Variants in MBP observed in about 807,000 individuals in gnomAD.
MBP encodes Golli-MBP.
In MBP, 16 loss-of-function variants were observed where a neutral mutation model predicts 35.8. The observed-to-expected ratio is 0.45, with a 90% confidence interval of 0.30 to 0.68. The LOEUF is 0.68. Among genes scored for constraint, MBP ranks in the 30% least tolerant of loss-of-function variants. The pLI is 0.08. For missense variants in MBP, 380 were observed against 404.7 expected, an observed-to-expected ratio of 0.94 and a Z score of 0.52; for synonymous variants, 143 against 159.6, an observed-to-expected ratio of 0.90 and a Z score of 0.78.
intron 3 of MBP, among the ~76,000 whole-genome samples, chr18:77,061,805 A>G (rs1484677968): frequency 2.0e-5 from 3 of 152,254 alleles, no homozygotes; most frequent in Non-Finnish European, 4.4e-5. Flanking sequence ...GCACACACCA[A>G]TATATGTACT....
chr18:76,989,686 T>G lies in MBP; in HGVS notation c.681+270A>C. 1 of 411,128 alleles carries G rather than the reference T, an allele frequency of 2.4e-6. No individual in the cohort carries two copies. Among genetic ancestry groups the G allele is most frequent in the South Asian group, 2.3e-5 (1 of 42,556 alleles). The allele number at this position is 411,128 out of a possible 1,614,324, so 25.5% of individuals were successfully genotyped here. ...GGTTGCAAAGCCTGTGTTTTTAGGC[T>G]AAGCGTTACATGGGAGCCTAATCTC... On this transcript the variant is annotated intron_variant, in intron 5 of 8. Transcript: ENST00000355994. This position sits in a 1 kb window ranked among gnomAD's most constrained non-coding sequence, Gnocchi z 4.0.
At chr18:77,075,036 C>T (rs1241195760) in intron 2 of MBP, among the ~76,000 whole-genome samples, 1 of 152,106 alleles carries the variant, frequency 6.6e-6, no homozygotes, top group Non-Finnish European at 1.5e-5. Context: ...GAAAAACAAA[C>T]CTCTAAATAA....
chr18:77,079,432 A>G (rs1023696839), intron 2 of MBP, among the ~76,000 whole-genome samples: 1 of 152,358 alleles, frequency 6.6e-6, no homozygotes, highest in South Asian at 2.1e-4. Context: ...TCACCAGGAC[A>G]TACAATGTTT....
chr18:77,079,610 G>A (rs1974809069), intron 2 of MBP, among the ~76,000 whole-genome samples: 1 of 152,076 alleles, frequency 6.6e-6, no homozygotes, highest in South Asian at 2.1e-4. Context: ...CAGTTTATTT[G>A]CTTGCTGATA....
chr18:77,128,671 T>G (rs1243545117), intron 1 of MBP, among the ~76,000 whole-genome samples: 1 of 152,222 alleles, frequency 6.6e-6, no homozygotes, highest in Non-Finnish European at 1.5e-5. Context: ...TGTAAGATGT[T>G]ATTGTTGGGA....
At position 77,102,416 on chromosome 18, in the gene MBP, TCTA is replaced by T. The variant is rs1400762163; in HGVS notation, c.51+2792_51+2794del. ...TTCTTTTGTGATTCAAGTTTAATGC[TCTA>T]CTAAGCTATGCAGCATCACAGAACA... On this transcript the variant is annotated intron_variant, in intron 2 of 8. Transcript: ENST00000355994. The surrounding 1 kb of genome is among the most constrained non-coding windows in gnomAD (Gnocchi z 4.4). Among the ~76,000 whole-genome samples the T allele has an allele frequency of 1.3e-5, 2 of 152,158 alleles. No homozygotes were observed. Among genetic ancestry groups the T allele is most frequent in the Non-Finnish European group, 2.9e-5 (2 of 68,044 alleles).
intron 8 of MBP, 159 bp downstream of exon 8, chr18:76,984,616 G>GC (rs1228918527): frequency 6.6e-6 from 6 of 905,678 alleles, no homozygotes. Flanking sequence ...ATGCGGGTGG[G>GC]CAATGCCACC....
chr18:77,034,133 T>C (rs1972660429), intron 3 of MBP, among the ~76,000 whole-genome samples: 3 of 147,080 alleles, frequency 2.0e-5, no homozygotes, highest in African/African-American at 7.5e-5. Context: ...TTTTCTCCAC[T>C]GGTGGCAGAA....
chr18:77,093,740 A>G (rs1975636794), intron 2 of MBP, among the ~76,000 whole-genome samples: 1 of 152,318 alleles, frequency 6.6e-6, no homozygotes, highest in South Asian at 2.1e-4. Flanking sequence ...CAAACACAAC[A>G]TTCACAAGAA....
chr18:77,105,519 TTCAG>T (rs1436969571), intron 1 of MBP, among the ~76,000 whole-genome samples: 2 of 152,344 alleles, frequency 1.3e-5, no homozygotes, highest in Non-Finnish European at 2.9e-5. Context: ...CCAAATTCTG[TTCAG>T]TAACACACTT....
In MBP at chr18:77,105,215, C is replaced by T; in HGVS notation, c.47G>A (p.Ser16Asn). 6.2e-7 allele frequency: 1 copy of T among 1,612,912 alleles called. No homozygotes were observed. Among genetic ancestry groups the T allele is most frequent in the Non-Finnish European group, 8.5e-7 (1 of 1,179,180 alleles). Residue 16 changes from serine (S) to asparagine (N), a missense_variant, in exon 2 of 9, where the codon AGT becomes AAT. Transcript: ENST00000355994. ...TCGGATCAGCTCACGTCTTACCGTA[C>T]TGGCCTTCTCGGCATTTAATTCTCG... ...GKRELNAEKA[S>N]TNSETNRGES...
intron 7 of MBP, chr18:76,987,128 G>A (rs1969603748): frequency 1.0e-6 from 1 of 985,364 alleles, no homozygotes; most frequent in African/African-American, 1.7e-5. Flanking sequence ...GGGCAGAACG[G>A]CCTGTGTGCA....
At chr18:77,066,112 A>G in intron 3 of MBP, 186 bp downstream of exon 3, 1 of 590,460 alleles carries the variant, frequency 1.7e-6, no homozygotes, top group Non-Finnish European at 3.0e-6. Context: ...ATCCTCTTGC[A>G]TAGACCCCAT....
chr18:77,043,800 G>A (rs1387661206), intron 3 of MBP, among the ~76,000 whole-genome samples: 2 of 152,180 alleles, frequency 1.3e-5, no homozygotes, highest in African/African-American at 2.4e-5. Context: ...TGCAGGACAC[G>A]CAGGAGCTGA....
chr18:76,981,167 C>T (rs1313304699), intron 8 of MBP: 1 of 152,242 alleles, frequency 6.6e-6, no homozygotes, highest in African/African-American at 2.4e-5. Flanking sequence ...GTGGCCATCC[C>T]TCTAGAAAGA....
At chr18:77,000,192 A>G (rs1970556437) in intron 4 of MBP, among the ~76,000 whole-genome samples, 1 of 152,262 alleles carries the variant, frequency 6.6e-6, no homozygotes, top group Non-Finnish European at 1.5e-5. Flanking sequence ...GCTCATATGA[A>G]GATATCCCAT....
chr18:77,086,941 A>G (rs1975259179), intron 2 of MBP, among the ~76,000 whole-genome samples: 1 of 152,278 alleles, frequency 6.6e-6, no homozygotes, highest in African/African-American at 2.4e-5. Context: ...ACGCATTGCA[A>G]TAAACCACTT....
rs980815729 is a variant in MBP, at chr18:77,039,478, A to G, written c.140-22210T>C. Among the ~76,000 whole-genome samples the G allele has an allele frequency of 2.6e-5, 4 of 152,232 alleles. No individual in the cohort carries two copies. In the East Asian group the frequency reaches 7.7e-4, roughly 29 times the overall value. ...AGTATGCATTTGGTTTTAATTTCAT[A>G]AATGAAATGGATGAGAATTATTTTA... is the stretch of plus-strand genomic sequence containing the variant. On this transcript the variant is annotated intron_variant, in intron 3 of 8. Coordinates refer to ENST00000355994, the MANE Select transcript of MBP (RefSeq NM_001025101.2).
intron 3 of MBP, among the ~76,000 whole-genome samples, chr18:77,023,700 C>A (rs777844333): frequency 3.3e-5 from 5 of 152,200 alleles, no homozygotes; most frequent in Non-Finnish European, 5.9e-5. Context: ...AGGCCCTTGA[C>A]CTCTGTGGTC....
Sources: gnomAD v4.1 joint callset for allele counts (sites outside exome capture counted in the v4.1 genomes callset) on GRCh38, gnomAD v4.1.1 for gene constraint, Gnocchi (gnomAD v3.1) non-coding constraint, MANE v1.5 for transcripts, NCBI Gene and HGNC (gene_info 2026-07-23, HGNC 2026-07-21) for gene names.